Variants in G3BP2 observed in about 807,000 individuals in gnomAD.
G3BP2 encodes the protein ras GTPase-activating protein-binding protein 2.
A neutral mutation model predicts 56.7 loss-of-function variants in G3BP2; 11 were observed. The ratio of observed to expected loss-of-function variants is 0.19; its 90% CI spans 0.12 to 0.32. G3BP2 has a LOEUF of 0.32. Among genes scored for constraint, G3BP2 ranks in the 10% least tolerant of loss-of-function variants. The pLI, the probability that G3BP2 is intolerant of heterozygous loss-of-function variation, is 1.00. For synonymous variants in G3BP2, 165 were observed against 191.6 expected (o/e 0.86, Z 1.15); for missense variants, 340 against 610.9 (o/e 0.56, Z 4.67).
intron 3 of G3BP2, among the ~76,000 whole-genome samples, chr4:75,686,985 G>C (rs1718638657): frequency 6.6e-6 from 1 of 152,110 alleles, no homozygotes; most frequent in South Asian, 2.1e-4. Context: ...CGCAGCACTT[G>C]AGGAGACTGA....
intron 3 of G3BP2, among the ~76,000 whole-genome samples, chr4:75,710,951 ACCGTG>A (rs1180357852): frequency 2.0e-5 from 3 of 151,988 alleles, no homozygotes; most frequent in Non-Finnish European, 4.4e-5. Flanking sequence ...AGCAGGAGAC[ACCGTG>A]CCTGGCCCTG....
intron 1 of G3BP2, among the ~76,000 whole-genome samples, chr4:75,670,178 T>C (rs547664457): frequency 1.3e-5 from 2 of 152,334 alleles, no homozygotes; most frequent in East Asian, 3.9e-4. Flanking sequence ...ATAGGATACT[T>C]ACCCCTTTCC....
At chr4:75,691,952 C>T (rs1414416299) in intron 3 of G3BP2, among the ~76,000 whole-genome samples, 1 of 152,096 alleles carries the variant, frequency 6.6e-6, no homozygotes, top group African/African-American at 2.4e-5. Context: ...TCCCAAAGAA[C>T]TGAAAATCTA....
chr4:75,714,333 G>A (rs1719856335), intron 3 of G3BP2, among the ~76,000 whole-genome samples: 2 of 152,078 alleles, frequency 1.3e-5, no homozygotes, highest in African/African-American at 2.4e-5. Context: ...TACATTTAAA[G>A]AAAAGAAATG....
chr4:75,656,008 T>TG, intron 5 of G3BP2, 138 bp from the exon 6 acceptor site: 1 of 560,944 alleles, frequency 1.8e-6, no homozygotes, highest in Non-Finnish European at 3.2e-6. Context: ...TTTTTTTTTT[T>TG]GAGATGGAGT....
At chr4:75,706,497 G>A (rs970930727) in intron 3 of G3BP2, among the ~76,000 whole-genome samples, 1 of 152,160 alleles carries the variant, frequency 6.6e-6, no homozygotes, top group East Asian at 1.9e-4. Context: ...GACCAACATG[G>A]AGAAACCCCA....
chr4:75,674,796 C>G, upstream of G3BP2, among the ~76,000 whole-genome samples: 1 of 147,216 alleles, frequency 6.8e-6, no homozygotes, highest in East Asian at 2.0e-4. Context: ...GGTCTTGGCT[C>G]ACTGCAACCT....
At chr4:75,683,998 T>C (rs1029712625) in intron 3 of G3BP2, among the ~76,000 whole-genome samples, 1 of 152,120 alleles carries the variant, frequency 6.6e-6, no homozygotes, top group Admixed American at 6.5e-5. Flanking sequence ...AACAAAGAGC[T>C]ATGGAGAATC....
At chr4:75,659,849 A>G (rs1481428117) in intron 2 of G3BP2, among the ~76,000 whole-genome samples, 1 of 152,212 alleles carries the variant, frequency 6.6e-6, no homozygotes, top group Non-Finnish European at 1.5e-5. Context: ...TACTCTTATC[A>G]TTAAACTATT....
rs562924818 is a variant in G3BP2 at position 75,682,853 on chromosome 4, G to A, written c.-24-20804C>T. The stretch of plus-strand genomic sequence containing the variant: ...AAATTAGCTGGGCATGGTGGGTGAC[G>A]TGTGCCTGTAATCCTAGCTACTTGG... On this transcript the variant is annotated intron_variant, in intron 3 of 3. Transcript: ENST00000499709. 2.7e-4 allele frequency among the ~76,000 whole-genome samples: 41 copies of A among 152,178 alleles called. 1 individual carries two copies. The South Asian group carries it at 7.1e-3, about 26-fold the overall frequency.
chr4:75,679,269 CTT>C (rs1733985308), intron 3 of G3BP2, among the ~76,000 whole-genome samples: 1 of 152,198 alleles, frequency 6.6e-6, no homozygotes, highest in Non-Finnish European at 1.5e-5. Flanking sequence ...CTTTACAAAG[CTT>C]TTTAATGCAC....
chr4:75,689,570 G>A (rs1005149175), intron 3 of G3BP2, among the ~76,000 whole-genome samples: 1 of 152,190 alleles, frequency 6.6e-6, no homozygotes, highest in Non-Finnish European at 1.5e-5. Flanking sequence ...AACTAGCTCT[G>A]CAAGAGAAAG....
At chr4:75,699,174 C>T (rs903809787) in intron 3 of G3BP2, among the ~76,000 whole-genome samples, 1 of 152,160 alleles carries the variant, frequency 6.6e-6, no homozygotes, top group Non-Finnish European at 1.5e-5. Flanking sequence ...TCCACTGGCT[C>T]ATTTGTACCA....
At position 75,653,649 on chromosome 4, in the gene G3BP2, C is replaced by T. The variant is rs377764790; in HGVS notation, c.825+334G>A. On this transcript the variant is annotated intron_variant, in intron 8 of 11. Coordinates refer to ENST00000359707, the MANE Select transcript of G3BP2 (RefSeq NM_203505.3). ...TACGCCACACTACTTTGTGCCTCTC[C>T]GAATTTCTTACCTAAAATATTTTTG... Among the ~76,000 whole-genome samples, 306 of 149,436 alleles carry T rather than the reference C, an allele frequency of 2.0e-3. 10 individuals are homozygous for T. In the South Asian group the frequency reaches 0.06, roughly 29 times the overall value.
intron 3 of G3BP2, among the ~76,000 whole-genome samples, chr4:75,715,271 CT>C (rs1354694672): frequency 6.6e-6 from 1 of 150,434 alleles, no homozygotes; most frequent in Non-Finnish European, 1.5e-5. Context: ...TTTCAGTATT[CT>C]GGTATACTGA....
upstream of G3BP2, among the ~76,000 whole-genome samples, chr4:75,676,916 T>A (rs1160978945): frequency 6.6e-6 from 1 of 152,150 alleles, no homozygotes; most frequent in Non-Finnish European, 1.5e-5. Context: ...ACCACTGGTT[T>A]TCTCACACCA....
intron 2 of G3BP2, 77 bp downstream of exon 2, chr4:75,661,854 A>G: frequency 1.4e-6 from 1 of 710,208 alleles, no homozygotes. Flanking sequence ...ATGAGGAGAC[A>G]GGAAATGCAA....
chr4:75,696,468 G>A (rs1719125040), intron 3 of G3BP2, among the ~76,000 whole-genome samples: 1 of 152,166 alleles, frequency 6.6e-6, no homozygotes, highest in Non-Finnish European at 1.5e-5. Context: ...TGCACCCATG[G>A]TTGCCAACAG....
intron 3 of G3BP2, among the ~76,000 whole-genome samples, chr4:75,681,278 C>A (rs573549711): frequency 1.3e-5 from 2 of 151,894 alleles, no homozygotes; most frequent in African/African-American, 4.8e-5. Context: ...GAGCCGAGAT[C>A]GTGCCACTGC....
Sources: gnomAD v4.1 joint callset for allele counts (sites outside exome capture counted in the v4.1 genomes callset) on GRCh38, gnomAD v4.1.1 for gene constraint, MANE v1.5 for transcripts, NCBI Gene and HGNC (gene_info 2026-07-23, HGNC 2026-07-21) for gene names.